SPTA1: variants seen among roughly 807,000 people sequenced by gnomAD.
The protein encoded by SPTA1 is spectrin alpha chain, erythrocytic 1.
SPTA1 carries 177 observed loss-of-function variants against 324.7 expected under a neutral mutation model. That is an observed-to-expected ratio of 0.55 (90% CI 0.48 to 0.62). The LOEUF (loss-of-function observed/expected upper bound fraction) is 0.62. SPTA1 is among the 20% of genes least tolerant of loss of function. The pLI, the probability that SPTA1 is intolerant of heterozygous loss-of-function variation, is 0.00. For synonymous variants in SPTA1, 1,195 were observed against 1,041.3 expected, an observed-to-expected ratio of 1.15 and a Z score of -2.84; for missense variants, 3,162 against 2,883.6, an observed-to-expected ratio of 1.10 and a Z score of -2.21.
chr1:158,627,852 C>T (rs755550943), intron 39 of SPTA1, 129 bp from the exon 40 acceptor site: 1 of 840,212 alleles, frequency 1.2e-6, no homozygotes, highest in Non-Finnish European at 2.0e-6. Context: ...GGTGAATGCC[C>T]ACTTTTTCTG....
At chr1:158,667,731 C>T (rs912372800) in intron 15 of SPTA1, 127 bp downstream of exon 15, 7 of 972,184 alleles carry the variant, frequency 7.2e-6, no homozygotes, top group South Asian at 4.9e-5. Flanking sequence ...AAAAGAAAGA[C>T]ACATGGAAGC....
chr1:158,678,950 C>G (rs1169107127), intron 5 of SPTA1, among the ~76,000 whole-genome samples: 1 of 152,136 alleles, frequency 6.6e-6, no homozygotes, highest in Non-Finnish European at 1.5e-5. Flanking sequence ...GGTCCTCACA[C>G]CTTTGAGAAT....
chr1:158,665,961 G>C (rs1270622658), intron 16 of SPTA1, among the ~76,000 whole-genome samples: 1 of 152,058 alleles, frequency 6.6e-6, no homozygotes, highest in Non-Finnish European at 1.5e-5. Context: ...AAGAGTTTAT[G>C]TTTAGAAAAG....
At chr1:158,617,399 T>C in intron 47 of SPTA1, 138 bp downstream of exon 47, 1 of 720,416 alleles carries the variant, frequency 1.4e-6, no homozygotes, top group Non-Finnish European at 2.5e-6. Context: ...TTTATATTCA[T>C]GATGTGATGG....
rs201845149 is a variant in SPTA1, at chr1:158,667,914, C to T, written c.1982G>A (p.Arg661His). 2,929 of 1,614,006 alleles carry T rather than the reference C, an allele frequency of 1.8e-3. 9 individuals are homozygous for T. The highest frequency in any genetic ancestry group is 5.8e-3 in the South Asian group (525 of 91,080). ...CCAGAGGCTGGCAACTTCACTCAGACGAGTGGTCACATTGTCAGAGGCATA... is the reference window on the plus strand; with the variant it reads ...CCAGAGGCTGGCAACTTCACTCAGATGAGTGGTCACATTGTCAGAGGCATA... Reference protein sequence around the residue: ...GHYASDNVTTRLSEVASLWEE... With the variant: ...GHYASDNVTTHLSEVASLWEE... The change falls in exon 15 of 52, where the codon CGT becomes CAT. Residue 661 changes from arginine (R) to histidine (H), a missense_variant. Transcript: ENST00000643759.
chr1:158,678,313 C>A, intron 6 of SPTA1, 88 bp downstream of exon 6: 1 of 1,567,422 alleles, frequency 6.4e-7, no homozygotes, highest in Non-Finnish European at 8.8e-7. Flanking sequence ...CCATTAATTG[C>A]TAACAGAAGT....
rs375618954 is a variant in SPTA1 at position 158,635,968 on chromosome 1, G to T, written c.5377C>A (p.Arg1793=). 1.2e-6 allele frequency: 2 copies of T among 1,614,076 alleles called. No homozygotes were observed. The highest frequency in any genetic ancestry group is 1.7e-6 in the Non-Finnish European group (2 of 1,180,014). ...CAGTGTTCAACAAACTGAGCCAGCC[G>T]CAACTGGATCTCCTCTTGCCCCACA... ...AAVGQEEIQL[R]LAQFVEHWEK... Residue 1793 remains arginine (R), a synonymous_variant, in exon 38 of 52, where the codon CGG becomes AGG. Coordinates refer to ENST00000643759, the MANE Select transcript of SPTA1 (RefSeq NM_003126.4).
chr1:158,619,808 CT>C (rs1234642917), intron 44 of SPTA1, among the ~76,000 whole-genome samples: 1 of 152,064 alleles, frequency 6.6e-6, no homozygotes, highest in Non-Finnish European at 1.5e-5. Context: ...TAGCAAGGCA[CT>C]TTTGGAGGTG....
intron 22 of SPTA1, among the ~76,000 whole-genome samples, 154 bp from the exon 23 acceptor site, chr1:158,652,807 G>A (rs999485298): frequency 4.6e-5 from 7 of 152,184 alleles, no homozygotes; most frequent in Admixed American, 4.6e-4. Context: ...AATAAACTTA[G>A]AAGGAAAACA....
At position 158,620,334 on chromosome 1, in the gene SPTA1, G is replaced by A; in HGVS notation, c.6253C>T (p.His2085Tyr). The change falls in exon 44 of 52, where the codon CAT (histidine) becomes TAT (tyrosine). Residue 2085 changes from histidine to tyrosine, a missense_variant. By Grantham distance (83) the His-to-Tyr change is moderately conservative (BLOSUM62 2). Coordinates refer to ENST00000643759, the MANE Select transcript of SPTA1 (RefSeq NM_003126.4). Reference protein sequence around the residue: ...LNEIRQLQKDHEDFLASLARA... With the variant: ...LNEIRQLQKDYEDFLASLARA... ...GCCAGGGAGGCCAAGAAGTCCTCATGGTCTTTCTGCAGCTGCCGAATTTCA... is the reference window on the plus strand; with the variant it reads ...GCCAGGGAGGCCAAGAAGTCCTCATAGTCTTTCTGCAGCTGCCGAATTTCA... 1 of 1,614,066 alleles carries A rather than the reference G, an allele frequency of 6.2e-7. No homozygotes were observed. The highest frequency in any genetic ancestry group is 8.5e-7 in the Non-Finnish European group (1 of 1,180,020).
rs570759939 is a variant in SPTA1, at chr1:158,653,358, G to A, written c.3104C>T (p.Ala1035Val). The A allele has an allele frequency of 5.0e-6, 8 of 1,614,086 alleles. No homozygotes were observed. The East Asian group carries it at 1.8e-4, about 36-fold the overall frequency. ...IVPAVYVRRL[A>V]HDEFPMLPQR... is the part of the protein sequence containing the mutation. Reference sequence around the variant, plus strand: ...TGGGAGCATCGGGAACTCATCGTGGGCCAGTCTTCTGACATAGACAGCTGG... The same window carrying A: ...TGGGAGCATCGGGAACTCATCGTGGACCAGTCTTCTGACATAGACAGCTGG... Residue 1035 changes from alanine to valine, a missense_variant, in exon 22 of 52, where the codon GCC (alanine) becomes GTC (valine). Physicochemically the swap from Ala to Val is moderately conservative, Grantham distance 64. Coordinates refer to ENST00000643759, the MANE Select transcript of SPTA1 (RefSeq NM_003126.4).
At chr1:158,673,722 C>T (rs1007151915) in intron 10 of SPTA1, among the ~76,000 whole-genome samples, 4 of 152,028 alleles carry the variant, frequency 2.6e-5, no homozygotes, top group Admixed American at 6.6e-5. Flanking sequence ...ACTGGGCATA[C>T]GTCAGGAGGC....
chr1:158,650,230 A>T (rs183007701), intron 24 of SPTA1, among the ~76,000 whole-genome samples: 1 of 152,220 alleles, frequency 6.6e-6, no homozygotes, highest in South Asian at 2.1e-4. Flanking sequence ...GTAAACTCCA[A>T]AAAATGAATG....
chr1:158,663,571 T>C (rs1037151963), intron 16 of SPTA1, among the ~76,000 whole-genome samples: 1 of 152,178 alleles, frequency 6.6e-6, no homozygotes, highest in Non-Finnish European at 1.5e-5. Context: ...TGTATACCTA[T>C]ATGGTGAAAT....
At chr1:158,683,559 C>G (rs1654959917) in intron 2 of SPTA1, 63 bp from the exon 3 acceptor site, 1 of 1,603,936 alleles carries the variant, frequency 6.2e-7, no homozygotes, top group African/African-American at 1.3e-5. Context: ...AATGTTCACT[C>G]TATGTAAAGC....
At chr1:158,684,292 G>C (rs1176385746) in intron 2 of SPTA1, among the ~76,000 whole-genome samples, 4 of 151,908 alleles carry the variant, frequency 2.6e-5, no homozygotes, top group African/African-American at 9.7e-5. Flanking sequence ...AGTTAACCAG[G>C]TTAACTAAAT....
At chr1:158,650,783 A>T (rs1046242012) in intron 24 of SPTA1, among the ~76,000 whole-genome samples, 6 of 152,204 alleles carry the variant, frequency 3.9e-5, no homozygotes, top group African/African-American at 1.4e-4. Flanking sequence ...GTTCAAATTC[A>T]ATTATATTAT....
At chr1:158,617,945 A>C in intron 46 of SPTA1, 94 bp downstream of exon 46, 1 of 1,206,242 alleles carries the variant, frequency 8.3e-7, no homozygotes, top group Non-Finnish European at 1.2e-6. Context: ...CCAGATTACA[A>C]TGGAATGAAA....
intron 42 of SPTA1, among the ~76,000 whole-genome samples, chr1:158,624,625 C>T (rs781488406): frequency 3.1e-4 from 47 of 152,150 alleles, no homozygotes; most frequent in Non-Finnish European, 5.7e-4. Context: ...CAGACAATCT[C>T]ATGGAGCTAA....
Sources: allele counts gnomAD v4.1 joint callset (sites outside exome capture counted in the v4.1 genomes callset), GRCh38; gene constraint gnomAD v4.1.1; transcripts MANE v1.5; gene names NCBI Gene and HGNC (gene_info 2026-07-23, HGNC 2026-07-21).